KCNQ5: variants seen among roughly 807,000 people sequenced by gnomAD.
KCNQ5 encodes the protein potassium voltage-gated channel subfamily KQT member 5.
Under a neutral mutation model 98.2 loss-of-function variants are expected in KCNQ5, and 30 were observed. The observed-to-expected ratio is 0.31, with a 90% CI of 0.23 to 0.41. KCNQ5 has a LOEUF of 0.41. KCNQ5 is among the 10% of genes least tolerant of loss of function. KCNQ5 has a pLI of 1.00. For synonymous variants in KCNQ5, 458 were observed against 449.4 expected, an observed-to-expected ratio of 1.02 and a Z score of -0.24; for missense variants, 835 against 1,182.5, an observed-to-expected ratio of 0.71 and a Z score of 4.31.
chr6:72,671,421 T>C (rs1767097301), intron 1 of KCNQ5, among the ~76,000 whole-genome samples: 1 of 152,208 alleles, frequency 6.6e-6, no homozygotes, highest in African/African-American at 2.4e-5. Flanking sequence ...TGATAAAGTC[T>C]CAGTAATTGC....
At chr6:73,161,535 C>T (rs527363518) in intron 10 of KCNQ5, among the ~76,000 whole-genome samples, 1 of 152,286 alleles carries the variant, frequency 6.6e-6, no homozygotes, top group East Asian at 1.9e-4. Flanking sequence ...AGTACACTGA[C>T]TTGATCTTTA....
At chr6:72,777,551 C>T (rs1004855482) in intron 1 of KCNQ5, among the ~76,000 whole-genome samples, 16 of 152,132 alleles carry the variant, frequency 1.1e-4, no homozygotes, top group African/African-American at 3.9e-4. Context: ...TTTCCACCTC[C>T]ACCCTAGGAA....
chr6:73,111,009 G>T (rs1165558323), intron 6 of KCNQ5, among the ~76,000 whole-genome samples: 1 of 152,112 alleles, frequency 6.6e-6, no homozygotes, highest in Non-Finnish European at 1.5e-5. Context: ...AAATTTTATT[G>T]TGATTTTATT....
chr6:72,668,874 C>G lies in KCNQ5; in HGVS notation c.398+46287C>G, dbSNP rs920753185. 9.8e-4 allele frequency among the ~76,000 whole-genome samples: 148 copies of G among 151,748 alleles called. 3 individuals carry two copies. The highest frequency in any genetic ancestry group is 2.2e-4 in the Non-Finnish European group (15 of 67,886). On this transcript the variant is annotated intron_variant, in intron 1 of 13. Coordinates refer to ENST00000370398, the MANE Select transcript of KCNQ5 (RefSeq NM_019842.4). ...CCAGCCTTCTTAGAAGGACATTAGTCCTATTGGATTATGGCCAGGCCCTAA... is the reference window on the plus strand; with the variant it reads ...CCAGCCTTCTTAGAAGGACATTAGTGCTATTGGATTATGGCCAGGCCCTAA...
intron 1 of KCNQ5, among the ~76,000 whole-genome samples, chr6:72,949,387 AGCCTCCCAT>A (rs980736333): frequency 3.3e-4 from 51 of 152,336 alleles, no homozygotes; most frequent in Middle Eastern, 3.4e-3. Flanking sequence ...GTTGAAACAG[AGCCTCCCAT>A]GTAAAGTGGT....
chr6:73,090,368 T>G (rs1774191048), intron 5 of KCNQ5, among the ~76,000 whole-genome samples: 1 of 152,210 alleles, frequency 6.6e-6, no homozygotes, highest in African/African-American at 2.4e-5. Flanking sequence ...GTTGTCTGTT[T>G]ACTCTGCTGA....
At chr6:73,125,498 A>T (rs768982855) in intron 9 of KCNQ5, 1 of 517,384 alleles carries the variant, frequency 1.9e-6, no homozygotes, top group Admixed American at 1.9e-5. Flanking sequence ...CCATAAAGAA[A>T]TGAAGGCATC....
rs142629135 is a variant in KCNQ5 at position 72,879,255 on chromosome 6, T to C, written c.399-124653T>C. Reference sequence around the variant, plus strand: ...CCAAGAGTGGTGAGAGATATGAGATTTCCAATTTCTCCTTATTCTTACCAA... The same window carrying C: ...CCAAGAGTGGTGAGAGATATGAGATCTCCAATTTCTCCTTATTCTTACCAA... On this transcript the variant is annotated intron_variant, in intron 1 of 13. Transcript: ENST00000370398. Among the ~76,000 whole-genome samples the C allele has an allele frequency of 2.3e-3, 357 of 152,304 alleles. 2 individuals are homozygous for C. Among genetic ancestry groups the C allele is most frequent in the African/African-American group, 8.2e-3 (342 of 41,568 alleles).
intron 1 of KCNQ5, among the ~76,000 whole-genome samples, chr6:72,729,237 G>A (rs1770434533): frequency 6.6e-6 from 1 of 152,168 alleles, no homozygotes; most frequent in Admixed American, 6.5e-5. Context: ...TTTCACACAT[G>A]GGTTAATATA....
chr6:72,697,589 T>C (rs955778992), intron 1 of KCNQ5, among the ~76,000 whole-genome samples: 1 of 152,156 alleles, frequency 6.6e-6, no homozygotes, highest in African/African-American at 2.4e-5. Context: ...TTCCTTAGGT[T>C]TCTGTGAAAA....
chr6:73,099,142 G>C (rs1157118682), intron 5 of KCNQ5, among the ~76,000 whole-genome samples: 1 of 151,352 alleles, frequency 6.6e-6, no homozygotes, highest in Non-Finnish European at 1.5e-5. Context: ...AATCAAAAAA[G>C]CATACAATGG....
chr6:73,147,900 G>A (rs1387715141), intron 10 of KCNQ5, among the ~76,000 whole-genome samples: 1 of 152,080 alleles, frequency 6.6e-6, no homozygotes, highest in Non-Finnish European at 1.5e-5. Flanking sequence ...AAATAAGTGA[G>A]TATTTGAGTG....
chr6:72,654,645 A>G (rs1006225294), intron 1 of KCNQ5, among the ~76,000 whole-genome samples: 17 of 152,110 alleles, frequency 1.1e-4, no homozygotes, highest in Admixed American at 9.8e-4. Context: ...CAACTTTAAG[A>G]CATTGTGATT....
chr6:73,153,253 C>T lies in KCNQ5; in HGVS notation c.1469-16493C>T, dbSNP rs1777225683. On this transcript the variant is annotated intron_variant, in intron 10 of 13. Transcript: ENST00000370398. ...CAGCTAGTCAGTTACCTAACTTGTC[C>T]ATCTGCTTTCCCACTTCCAAAATTA... is the stretch of plus-strand genomic sequence containing the variant. 2.0e-5 allele frequency among the ~76,000 whole-genome samples: 3 copies of T among 152,120 alleles called. No homozygotes were observed. The South Asian group carries it at 6.2e-4, about 31-fold the overall frequency.
chr6:72,632,309 G>C (rs538744888), intron 1 of KCNQ5, among the ~76,000 whole-genome samples: 1 of 151,370 alleles, frequency 6.6e-6, no homozygotes, highest in East Asian at 1.9e-4. Context: ...GGCTAATTTT[G>C]TTTTTGTATT....
intron 5 of KCNQ5, among the ~76,000 whole-genome samples, chr6:73,094,991 T>G (rs1429633156): frequency 6.6e-6 from 1 of 152,232 alleles, no homozygotes; most frequent in Non-Finnish European, 1.5e-5. Flanking sequence ...GGGGAAGTTT[T>G]CCTCTGTTAT....
At chr6:72,672,404 A>C (rs889885443) in intron 1 of KCNQ5, among the ~76,000 whole-genome samples, 2 of 152,174 alleles carry the variant, frequency 1.3e-5, no homozygotes, top group Non-Finnish European at 2.9e-5. Context: ...AGCCTTCACC[A>C]GAAAATTTTA....
intron 3 of KCNQ5, among the ~76,000 whole-genome samples, chr6:73,064,270 A>G (rs1772951982): frequency 6.6e-6 from 1 of 152,228 alleles, no homozygotes; most frequent in African/African-American, 2.4e-5. Flanking sequence ...ACTACTAAAC[A>G]TAACTGGCTG....
At chr6:72,857,353 C>A (rs1562028428) in intron 1 of KCNQ5, among the ~76,000 whole-genome samples, 1 of 152,020 alleles carries the variant, frequency 6.6e-6, no homozygotes, top group Non-Finnish European at 1.5e-5. Flanking sequence ...TTAAAGGACA[C>A]AGATCAATCA....
Sources: allele counts gnomAD v4.1 joint callset (sites outside exome capture counted in the v4.1 genomes callset), GRCh38; gene constraint gnomAD v4.1.1; transcripts MANE v1.5; gene names NCBI Gene and HGNC (gene_info 2026-07-23, HGNC 2026-07-21).